LRFN1: variants seen among roughly 807,000 people sequenced by gnomAD.
LRFN1 encodes the protein leucine-rich repeat and fibronectin type III domain-containing protein 1.
Under a neutral mutation model 31.8 loss-of-function variants are expected in LRFN1, and 20 were observed. The ratio of observed to expected loss-of-function variants is 0.63; its 90% CI spans 0.44 to 0.91. The LOEUF (loss-of-function observed/expected upper bound fraction) is 0.91. Ranked by LOEUF, LRFN1 falls within the 40% of genes least tolerant of loss-of-function variation. LRFN1 has a pLI of 0.00. For missense variants in LRFN1, 912 were observed against 1,129.8 expected (o/e 0.81, Z 2.76); for synonymous variants, 514 against 541.3 (o/e 0.95, Z 0.70).
chr19:39,310,158 A>G (rs2075145942), intron 4 of LRFN1, among the ~76,000 whole-genome samples: 1 of 152,174 alleles, frequency 6.6e-6, no homozygotes, highest in South Asian at 2.1e-4. Context: ...GGGTTTCGCC[A>G]CGTTGGCCAA....
At position 39,306,611 on chromosome 19, in the gene LRFN1, A is replaced by G. The variant is rs1326976563; in HGVS notation, c.*1022T>C. ...ATTTTTGTGATTATTCCCCACCTCTAAGTCTCTCAGAGGATAAAAGCCTGT... is the reference window on the plus strand; with the variant it reads ...ATTTTTGTGATTATTCCCCACCTCTGAGTCTCTCAGAGGATAAAAGCCTGT... On this transcript the variant is annotated 3_prime_UTR_variant, in exon 5 of 5. Coordinates refer to ENST00000248668, the MANE Select transcript of LRFN1 (RefSeq NM_020862.2). 1 of 152,008 alleles carries G rather than the reference A, an allele frequency of 6.6e-6. No individual in the cohort carries two copies. Among genetic ancestry groups the G allele is most frequent in the Non-Finnish European group, 1.5e-5 (1 of 68,014 alleles). The allele number at this position is 152,008 out of a possible 1,614,324, so 9.4% of individuals were successfully genotyped here.
Position 39,307,870 on chromosome 19 carries a change from T to TC in LRFN1, c.2078dup (p.Ala694SerfsTer266). ...GCTGCGGCCTCGGCCGGGCCGCGGC[T>TC]CCCCCAGGAACTAGAGCTAGAGTAG... is the stretch of plus-strand genomic sequence containing the variant. On this transcript the variant is annotated frameshift_variant, in exon 5 of 5. Transcript: ENST00000248668. LOFTEE classifies it high-confidence loss of function. This position sits in a 1 kb window ranked among gnomAD's most constrained non-coding sequence, Gnocchi z 6.7. The TC allele has an allele frequency of 6.5e-7, 1 of 1,528,792 alleles. No homozygotes were observed. The highest frequency in any genetic ancestry group is 8.7e-7 in the Non-Finnish European group (1 of 1,144,598). 94.7% of individuals were successfully genotyped at this position (1,528,792 alleles called of 1,614,324 possible).
At chr19:39,313,490 C>T (rs1376596206) in intron 4 of LRFN1, among the ~76,000 whole-genome samples, 1 of 152,188 alleles carries the variant, frequency 6.6e-6, no homozygotes, top group Non-Finnish European at 1.5e-5. Flanking sequence ...TGAGTTCGTG[C>T]CACTGCACTC....
Position 39,306,697 on chromosome 19 carries a change from G to A in LRFN1, c.*936C>T, listed in dbSNP as rs2075129530. 6.6e-6 allele frequency: 1 copy of A among 150,926 alleles called. No individual in the cohort carries two copies. Among genetic ancestry groups the A allele is most frequent in the Non-Finnish European group, 1.5e-5 (1 of 68,624 alleles). The allele number at this position is 150,926 out of a possible 1,614,324, so 9.3% of individuals were successfully genotyped here. ...CCATCTTCCTTCAGTCTCACTTAGA[G>A]TCCTTATGCTGCAATCTAGGTCACC... On this transcript the variant is annotated 3_prime_UTR_variant, in exon 5 of 5. Transcript: ENST00000248668.
intron 1 of LRFN1, among the ~76,000 whole-genome samples, chr19:39,319,275 C>T (rs1822190457): frequency 1.3e-5 from 2 of 152,186 alleles, no homozygotes. Context: ...ATCTACCTTG[C>T]ACACTCACCA....
rs370219349 is a variant in LRFN1, at chr19:39,314,532, C to T, written c.805G>A (p.Glu269Lys). 13 of 1,609,652 alleles carry T rather than the reference C, an allele frequency of 8.1e-6. No homozygotes were observed. Among genetic ancestry groups the T allele is most frequent in the Non-Finnish European group, 1.0e-5 (12 of 1,178,718 alleles). Residue 269 changes from glutamate (E) to lysine (K), a missense_variant, in exon 4 of 5, where the codon GAG (glutamate) becomes AAG (lysine). Glu to Lys is a moderately conservative substitution (Grantham distance 56). Coordinates refer to ENST00000248668, the MANE Select transcript of LRFN1 (RefSeq NM_020862.2). Reference protein sequence around the residue: ...ELLWLRRLTREDDLETCATPE... With the variant: ...ELLWLRRLTRKDDLETCATPE... Reference sequence around the variant, plus strand: ...GTGGCGCAGGTCTCTAAGTCGTCCTCGCGGGTCAGCCGCCGCAGCCAGAGC... The same window carrying T: ...GTGGCGCAGGTCTCTAAGTCGTCCTTGCGGGTCAGCCGCCGCAGCCAGAGC...
intron 1 of LRFN1, among the ~76,000 whole-genome samples, chr19:39,320,305 GACAC>G (rs35232910): frequency 0.018 from 2,370 of 134,652 alleles, 27 homozygotes; most frequent in African/African-American, 0.035. Context: ...ACAACCCGCA[GACAC>G]ACACACACAC....
At chr19:39,309,288 T>C (rs2145029523) in intron 4 of LRFN1, among the ~76,000 whole-genome samples, 1 of 152,092 alleles carries the variant, frequency 6.6e-6, no homozygotes, top group Non-Finnish European at 1.5e-5. Context: ...ACCCTGTCTC[T>C]ATTAAAAATA....
intron 1 of LRFN1, among the ~76,000 whole-genome samples, chr19:39,319,373 A>G (rs1440504750): frequency 6.6e-6 from 1 of 152,044 alleles, no homozygotes; most frequent in African/African-American, 2.4e-5. Context: ...AGACACACTC[A>G]TACTTCACAC....
At chr19:39,313,837 TG>T in intron 4 of LRFN1, 93 bp downstream of exon 4, 1 of 1,231,032 alleles carries the variant, frequency 8.1e-7, no homozygotes, top group Non-Finnish European at 1.1e-6. Context: ...TCTAGAACCC[TG>T]GCTGAGCAAG....
chr19:39,317,254 G>C (rs747051233), intron 2 of LRFN1, among the ~76,000 whole-genome samples: 2 of 152,132 alleles, frequency 1.3e-5, no homozygotes, highest in Admixed American at 6.6e-5. Context: ...GAGGAGGAAA[G>C]AGACAGAGAG....
chr19:39,314,102 G>T lies in LRFN1; in HGVS notation c.1235C>A (p.Ala412Asp). ...GTTGGCACCTGGTCTGCCCGGCGTG[G>T]CGATGTCAGAGGAGCCGGGCTCGGT... ...PLTEPGSSDI[A>D]TPGRPGANDS... The change falls in exon 4 of 5, where the codon GCC (alanine) becomes GAC (aspartate). Residue 412 changes from alanine (A) to aspartate (D), a missense_variant. Around this residue, in one of 2 missense-constraint regions of LRFN1, gnomAD observed 511 missense variants for 557.0 expected, o/e 0.92. Coordinates refer to ENST00000248668, the MANE Select transcript of LRFN1 (RefSeq NM_020862.2). The T allele has an allele frequency of 6.2e-7, 1 of 1,612,434 alleles. No individual in the cohort carries two copies. Among genetic ancestry groups the T allele is most frequent in the Non-Finnish European group, 8.5e-7 (1 of 1,179,362 alleles).
Position 39,314,517 on chromosome 19 carries a change from T to A in LRFN1, c.820A>T (p.Thr274Ser). The A allele has an allele frequency of 6.2e-7, 1 of 1,610,314 alleles. No homozygotes were observed. The highest frequency in any genetic ancestry group is 2.2e-5 in the East Asian group (1 of 44,750). The change falls in exon 4 of 5, where the codon ACC (threonine) becomes TCC (serine). Residue 274 changes from threonine to serine, a missense_variant. Thr to Ser is a moderately conservative substitution (Grantham distance 58). Transcript: ENST00000248668. ...GTGAGGTGTTCGGGCGTGGCGCAGG[T>A]CTCTAAGTCGTCCTCGCGGGTCAGC... ...RRLTREDDLE[T>S]CATPEHLTDR...
chr19:39,314,396 C>T lies in LRFN1; in HGVS notation c.941G>A (p.Gly314Asp), dbSNP rs1421989792. Reference protein sequence around the residue: ...QAGGRALVVEGQAVSLRCRAV... With the variant: ...QAGGRALVVEDQAVSLRCRAV... ...TCGGCAGCGCAGGCTCACCGCCTGG[C>T]CTTCCACCACCAGGGCCCGGCCCCC... The change falls in exon 4 of 5, where the codon GGC becomes GAC. Residue 314 changes from glycine to aspartate, a missense_variant. Gly to Asp is a moderately conservative substitution (Grantham distance 94). Coordinates refer to ENST00000248668, the MANE Select transcript of LRFN1 (RefSeq NM_020862.2). 3 of 1,598,730 alleles carry T rather than the reference C, an allele frequency of 1.9e-6. No individual in the cohort carries two copies. Among genetic ancestry groups the T allele is most frequent in the Non-Finnish European group, 2.6e-6 (3 of 1,174,510 alleles).
At position 39,315,360 on chromosome 19, in the gene LRFN1, G is replaced by T. The variant is rs890485924; in HGVS notation, c.-24C>A. The T allele has an allele frequency of 8.3e-6, 12 of 1,437,534 alleles. No homozygotes were observed. The highest frequency in any genetic ancestry group is 1.1e-5 in the Non-Finnish European group (12 of 1,099,016). The allele number at this position is 1,437,534 out of a possible 1,614,324, so 89.0% of individuals were successfully genotyped here. On this transcript the variant is annotated 5_prime_UTR_variant, in exon 4 of 5. Coordinates refer to ENST00000248668, the MANE Select transcript of LRFN1 (RefSeq NM_020862.2). This position sits in a 1 kb window ranked among gnomAD's most constrained non-coding sequence, Gnocchi z 4.7. Reference sequence around the variant, plus strand: ...ATGGTGCAGTGGGAAGGCAGGAGGGGTGGGAGGTGAGACCTGCCGGGGAAG... The same window carrying T: ...ATGGTGCAGTGGGAAGGCAGGAGGGTTGGGAGGTGAGACCTGCCGGGGAAG...
Position 39,315,390 on chromosome 19 carries a change from C to G in LRFN1, c.-37-17G>C. ...AGGTGAGACCTGCCGGGGAAGGAGC[C>G]GGTTACCCAGGCGTGGGACTTGGCC... On this transcript the variant is annotated splice_polypyrimidine_tract_variant and intron_variant, in intron 3 of 4. Coordinates refer to ENST00000248668, the MANE Select transcript of LRFN1 (RefSeq NM_020862.2). This position sits in a 1 kb window ranked among gnomAD's most constrained non-coding sequence, Gnocchi z 4.7. 7.1e-7 allele frequency: 1 copy of G among 1,411,296 alleles called. No individual in the cohort carries two copies. Among genetic ancestry groups the G allele is most frequent in the Non-Finnish European group, 9.3e-7 (1 of 1,079,048 alleles). The allele number at this position is 1,411,296 out of a possible 1,614,324, so 87.4% of individuals were successfully genotyped here.
At position 39,307,689 on chromosome 19, in the gene LRFN1, C is replaced by G; in HGVS notation, c.2260G>C (p.Ala754Pro). ...CTGGTGAAAGCCAGGCACGCCCTGG[C>G]GGAGCCCAGCCCCAGGTCTCCATCC... ...GEDGDLGLGS[A>P]RACLAFTSTE... The change falls in exon 5 of 5, where the codon GCC becomes CCC. Residue 754 changes from alanine (A) to proline (P), a missense_variant. By Grantham distance (27) the Ala-to-Pro change is conservative. Coordinates refer to ENST00000248668, the MANE Select transcript of LRFN1 (RefSeq NM_020862.2). The surrounding 1 kb of genome is among the most constrained non-coding windows in gnomAD (Gnocchi z 6.7). 1 of 1,505,530 alleles carries G rather than the reference C, an allele frequency of 6.6e-7. No individual in the cohort carries two copies. 93.3% of individuals were successfully genotyped at this position (1,505,530 alleles called of 1,614,324 possible).
In LRFN1 at chr19:39,307,611, C is replaced by T; in HGVS notation, c.*22G>A. Reference sequence around the variant, plus strand: ...GGGCGTTTGGTCTGCGGCACCCAGGCGTCCCGGCGCCCGCCCGCCGCTCAC... The same window carrying T: ...GGGCGTTTGGTCTGCGGCACCCAGGTGTCCCGGCGCCCGCCCGCCGCTCAC... On this transcript the variant is annotated 3_prime_UTR_variant, in exon 5 of 5. Coordinates refer to ENST00000248668, the MANE Select transcript of LRFN1 (RefSeq NM_020862.2). This position sits in a 1 kb window ranked among gnomAD's most constrained non-coding sequence, Gnocchi z 6.7. 1 of 1,381,370 alleles carries T rather than the reference C, an allele frequency of 7.2e-7. No individual in the cohort carries two copies. The highest frequency in any genetic ancestry group is 9.3e-7 in the Non-Finnish European group (1 of 1,075,114). 85.6% of individuals were successfully genotyped at this position (1,381,370 alleles called of 1,614,324 possible).
At chr19:39,312,348 C>T (rs1450192249) in intron 4 of LRFN1, among the ~76,000 whole-genome samples, 1 of 152,040 alleles carries the variant, frequency 6.6e-6, no homozygotes, top group Non-Finnish European at 1.5e-5. Flanking sequence ...GCCCCGCTGG[C>T]ATCTCCAGGT....
Sources: gnomAD v4.1 joint callset for allele counts (sites outside exome capture counted in the v4.1 genomes callset) on GRCh38, gnomAD v4.1.1 for gene constraint, gnomAD v4.1.1 regional missense constraint, Gnocchi (gnomAD v3.1) non-coding constraint, MANE v1.5 for transcripts, NCBI Gene and HGNC (gene_info 2026-07-23, HGNC 2026-07-21) for gene names.